The following EVC variants were observed in gnomAD, a reference collection of about 807,000 sequenced individuals.
EVC encodes EvC ciliary complex subunit 1.
EVC carries 116 observed loss-of-function variants against 118.9 expected under a neutral mutation model. The observed-to-expected ratio is 0.98, with a 90% confidence interval of 0.84 to 1.14. The LOEUF (loss-of-function observed/expected upper bound fraction) is 1.14, where lower values mean the gene tolerates loss of function less well. Among genes scored for constraint, EVC ranks in the 50% most tolerant of loss-of-function variants. The pLI, the probability that EVC is intolerant of heterozygous loss-of-function variation, is 0.00. For synonymous variants in EVC, 619 were observed against 534.7 expected (o/e 1.16, Z -2.18); for missense variants, 1,401 against 1,246.4 (o/e 1.12, Z -1.87).
At chr4:5,827,733 G>GCACACACACACA in the EVC span, among the ~76,000 whole-genome samples, 555 of 138,328 alleles carry the variant, frequency 4.0e-3, 3 homozygotes, top group African/African-American at 0.015. Context: ...ATGTGCGCGT[G>GCACACACACACA]CACACACACA....
Position 5,711,468 on chromosome 4 carries a change from C to G in EVC, c.88C>G (p.Pro30Ala), listed in dbSNP as rs991390298. 8 of 1,064,228 alleles carry G rather than the reference C, an allele frequency of 7.5e-6. No homozygotes were observed. The highest frequency in any genetic ancestry group is 1.7e-5 in the African/African-American group (1 of 58,600). The allele number at this position is 1,064,228 out of a possible 1,614,324, so 65.9% of individuals were successfully genotyped here. ...GCGGCCGGCGCCCGCCCTGCTGGCC[C>G]CCGCCGTGCTGCTGGGCGCCGCGCT... ...ALRPAPALLAPAVLLGAALGL... is the reference protein window; with the variant it reads ...ALRPAPALLAAAVLLGAALGL... Residue 30 changes from proline to alanine, a missense_variant, in exon 1 of 21, where the codon CCC (proline) becomes GCC (alanine). Transcript: ENST00000264956.
rs114994758 is a variant in EVC, at chr4:5,812,412, A to G, written c.*1375A>G. 0.019 allele frequency: 3,189 copies of G among 169,128 alleles called. 103 individuals are homozygous for G. The highest frequency in any genetic ancestry group is 0.075 in the African/African-American group (3,050 of 40,540). The allele number at this position is 169,128 out of a possible 1,614,324, so 10.5% of individuals were successfully genotyped here. On this transcript the variant is annotated 3_prime_UTR_variant, in exon 21 of 21. Transcript: ENST00000264956. ...GCCAGGAGAGGCCTTTCCCGCCTGG[A>G]GAGAAGCTTCAGGCCAGCTCCTCAC... is the stretch of plus-strand genomic sequence containing the variant.
rs199611644 is a variant in EVC at position 5,798,762 on chromosome 4, G to C, written c.2274G>C (p.Lys758Asn). The change falls in exon 15 of 21, where the codon AAG (lysine) becomes AAC (asparagine). Residue 758 changes from lysine (K) to asparagine (N), a missense_variant. Physicochemically the swap from Lys to Asn is moderately conservative, Grantham distance 94. Transcript: ENST00000264956. This position sits in a 1 kb window ranked among gnomAD's most constrained non-coding sequence, Gnocchi z 4.1. ...TGCATGCACGGAATGCAGCCACCAA[G>C]AGCCGGGCCAAGGACAGGGATGACT... ...LLVHARNAAT[K>N]SRAKDRDDFK... 2.4e-5 allele frequency: 38 copies of C among 1,611,262 alleles called. No individual in the cohort carries two copies. The African/African-American group carries it at 5.1e-4, about 21-fold the overall frequency.
At chr4:5,824,767 G>T in the EVC span, 201 of 984,338 alleles carry the variant, frequency 2.0e-4, no homozygotes, top group Middle Eastern at 1.6e-3. Flanking sequence ...ACCCAGCACG[G>T]TGTGCAACCC....
intron 11 of EVC, among the ~76,000 whole-genome samples, chr4:5,782,474 A>C (rs546615741): frequency 8.5e-6 from 1 of 118,198 alleles, no homozygotes; most frequent in African/African-American, 3.3e-5. Context: ...GCTCACAGCA[A>C]GCTCCACCTC....
At chr4:5,821,728 TC>T in the EVC span, 26 of 1,560,542 alleles carry the variant, frequency 1.7e-5, no homozygotes, top group African/African-American at 2.7e-5. This position sits in a 1 kb window ranked among gnomAD's most constrained non-coding sequence, Gnocchi z 4.4. Context: ...ATTCCCAGAA[TC>T]CTTCAGGCTA....
At chr4:5,828,409 C>T in the EVC span, 11 of 1,537,880 alleles carry the variant, frequency 7.2e-6, no homozygotes, top group African/African-American at 5.5e-5. Flanking sequence ...TAACTCTGCA[C>T]ACGTCAGATC....
chr4:5,719,303 C>T lies in EVC; in HGVS notation c.230C>T (p.Ser77Leu), dbSNP rs766938849. The change falls in exon 2 of 21, where the codon TCG becomes TTG. Residue 77 changes from serine (S) to leucine (L), a missense_variant. By Grantham distance (145) the Ser-to-Leu change is moderately radical. Transcript: ENST00000264956. This position sits in a 1 kb window ranked among gnomAD's most constrained non-coding sequence, Gnocchi z 4.7. ...KNLESNAQTP[S>L]ETGSPSRRRK... ...TTGGAGTCTAATGCGCAGACCCCCT[C>T]GGAAACTGGCTCCCCATCAAGGAGG... is the stretch of plus-strand genomic sequence containing the variant. 24 of 1,614,048 alleles carry T rather than the reference C, an allele frequency of 1.5e-5. No individual in the cohort carries two copies. Among genetic ancestry groups the T allele is most frequent in the Admixed American group, 1.7e-5 (1 of 60,006 alleles).
At chr4:5,712,995 C>A (rs1723292578) in intron 1 of EVC, among the ~76,000 whole-genome samples, 1 of 152,198 alleles carries the variant, frequency 6.6e-6, no homozygotes. Flanking sequence ...GATGAGTAAA[C>A]AGTGGGACTG....
intron 9 of EVC, 138 bp from the exon 10 acceptor site, chr4:5,753,647 T>C: frequency 2.7e-6 from 3 of 1,116,122 alleles, no homozygotes; most frequent in Non-Finnish European, 4.1e-6. Context: ...AACCCAGGTG[T>C]GTCACCAGCA....
rs773385024 is a variant in EVC, at chr4:5,742,620, C to T, written c.801+806C>T. ...CTCATGACCGCTGTCATCACCAACA[C>T]CATCACCATCCTCATGTCCTCATTA... On this transcript the variant is annotated intron_variant, in intron 6 of 20. Coordinates refer to ENST00000264956, the MANE Select transcript of EVC (RefSeq NM_153717.3). The surrounding 1 kb of genome is among the most constrained non-coding windows in gnomAD (Gnocchi z 5.2). Among the ~76,000 whole-genome samples the T allele has an allele frequency of 6.6e-6, 1 of 152,162 alleles. No individual in the cohort carries two copies. The highest frequency in any genetic ancestry group is 1.5e-5 in the Non-Finnish European group (1 of 68,026).
At position 5,804,734 on chromosome 4, in the gene EVC, G is replaced by A. The variant is rs775144960; in HGVS notation, c.2454G>A (p.Glu818=). 1.2e-6 allele frequency: 2 copies of A among 1,614,122 alleles called. No homozygotes were observed. Among genetic ancestry groups the A allele is most frequent in the Non-Finnish European group, 1.7e-6 (2 of 1,179,984 alleles). ...GTCCTGTGTTAAATGGTCTAGGTGA[G>A]AGGATGGAAAATTACAAACTGCGGA... ...KLQHLKTLQG[E]RMENYKLRKK... The change falls in exon 17 of 21, where the codon GAG becomes GAA. Residue 818 remains glutamate (E), a synonymous_variant. Transcript: ENST00000264956.
At chr4:5,723,934 G>C (rs1229695131) in intron 2 of EVC, among the ~76,000 whole-genome samples, 1 of 152,164 alleles carries the variant, frequency 6.6e-6, no homozygotes, top group Non-Finnish European at 1.5e-5. Context: ...CAGAATGCAG[G>C]GGATTGAGAG....
At chr4:5,799,816 A>G (rs1433878904) in intron 15 of EVC, among the ~76,000 whole-genome samples, 1 of 152,178 alleles carries the variant, frequency 6.6e-6, no homozygotes. Flanking sequence ...TCTTATTCTA[A>G]ATATCTCACA....
At position 5,798,589 on chromosome 4, in the gene EVC, G is replaced by A; in HGVS notation, c.2101G>A (p.Ala701Thr). The A allele has an allele frequency of 1.3e-6, 2 of 1,562,038 alleles. No individual in the cohort carries two copies. The highest frequency in any genetic ancestry group is 1.2e-5 in the South Asian group (1 of 84,798). The change falls in exon 15 of 21, where the codon GCG becomes ACG. Residue 701 changes from alanine to threonine, a missense_variant. Ala to Thr is a moderately conservative substitution (Grantham distance 58). Transcript: ENST00000264956. This position sits in a 1 kb window ranked among gnomAD's most constrained non-coding sequence, Gnocchi z 4.1. ...HQWQLLRALE[A>T]RVLEEASRLE... ...CTCCCAGTCCTTTCCCTCCCAGGAG[G>A]CGCGTGTGCTGGAGGAGGCCAGCCG...
intron 11 of EVC, among the ~76,000 whole-genome samples, chr4:5,760,719 A>G (rs6855810): frequency 0.46 from 70,199 of 151,380 alleles, 16,661 homozygotes; most frequent in South Asian, 0.58. Flanking sequence ...CGCCCAGCTA[A>G]TTTTGTATTT....
At chr4:5,817,870 A>G (rs1717944097), downstream of EVC, among the ~76,000 whole-genome samples, 1 of 152,336 alleles carries the variant, frequency 6.6e-6, no homozygotes, top group East Asian at 1.9e-4. Context: ...TACTGGTGAC[A>G]TCTGAAAATG....
At chr4:5,728,548 A>G (rs1363600279) in intron 2 of EVC, among the ~76,000 whole-genome samples, 2 of 152,076 alleles carry the variant, frequency 1.3e-5, no homozygotes, top group Non-Finnish European at 2.9e-5. Flanking sequence ...CTCTTTTCCT[A>G]ATTGAATACC....
intron 2 of EVC, among the ~76,000 whole-genome samples, chr4:5,724,520 C>G (rs1378889036): frequency 1.3e-5 from 2 of 152,144 alleles, no homozygotes; most frequent in African/African-American, 4.8e-5. Context: ...GAGGGCGGAC[C>G]TGGGGCCAGC....
Sources: allele counts gnomAD v4.1 joint callset (sites outside exome capture counted in the v4.1 genomes callset), GRCh38; gene constraint gnomAD v4.1.1; non-coding constraint Gnocchi (gnomAD v3.1); transcripts MANE v1.5; gene names NCBI Gene and HGNC (gene_info 2026-07-23, HGNC 2026-07-21).